The following CCDC127 variants were observed in gnomAD, a reference collection of about 807,000 sequenced individuals.
The protein encoded by CCDC127 is coiled-coil domain containing 127.
CCDC127 carries 2 observed loss-of-function variants against 4.1 expected under a neutral mutation model. The observed-to-expected ratio is 0.49, with a 90% CI of 0.20 to 1.53. The LOEUF (loss-of-function observed/expected upper bound fraction) is 1.53. Among genes scored for constraint, CCDC127 ranks in the 40% most tolerant of loss-of-function variants. CCDC127 has a pLI of 0.23. For synonymous variants in CCDC127, 98 were observed against 120.4 expected (o/e 0.81, Z 1.22); for missense variants, 271 against 322.9 (o/e 0.84, Z 1.23).
At position 202,670 on chromosome 5, in the gene CCDC127, C is replaced by T. The variant is rs1266304889; in HGVS notation, c.*2627G>A. 1.3e-5 allele frequency: 2 copies of T among 152,256 alleles called. No individual in the cohort carries two copies. Among genetic ancestry groups the T allele is most frequent in the Non-Finnish European group, 2.9e-5 (2 of 68,048 alleles). 9.4% of individuals were successfully genotyped at this position (152,256 alleles called of 1,614,324 possible). A position where few individuals can be genotyped will look rare whatever the true frequency, so the allele number is the denominator to read the frequency against. ...GCTTGAAGGCTCTGAACATATCTAT[C>T]TCACTATAGAAGGAAGCTAGGCTGA... On this transcript the variant is annotated 3_prime_UTR_variant, in exon 3 of 3. Transcript: ENST00000296824.
rs749722461 is a variant in CCDC127, at chr5:196,979, CA to C, written c.*8317del. On this transcript the variant is annotated 3_prime_UTR_variant, in exon 3 of 3. Transcript: ENST00000296824. ...TTTATTATTATTTTCATTATTTCAG[CA>C]AAAAGGAATGTAGTAGGAGAGCAGG... 1.0e-4 allele frequency: 15 copies of C among 150,434 alleles called. No individual in the cohort carries two copies. Among genetic ancestry groups the C allele is most frequent in the Non-Finnish European group, 2.2e-4 (15 of 67,708 alleles). The allele number at this position is 150,434 out of a possible 1,614,324, so 9.3% of individuals were successfully genotyped here. A position where few individuals can be genotyped will look rare whatever the true frequency, so the allele number is the denominator to read the frequency against.
chr5:205,525 C>T lies in CCDC127; in HGVS notation c.555G>A (p.Glu185=). 6.2e-7 allele frequency: 1 copy of T among 1,614,044 alleles called. No homozygotes were observed. Among genetic ancestry groups the T allele is most frequent in the Non-Finnish European group, 8.5e-7 (1 of 1,179,888 alleles). Residue 185 remains glutamate (E), a synonymous_variant, in exon 3 of 3, where the codon GAG becomes GAA. Coordinates refer to ENST00000296824, the MANE Select transcript of CCDC127 (RefSeq NM_145265.3). ...CTCGCACCAGTAAGCTCTTCTCTAT[C>T]TCCAGCCGCTTGCTGCGAGGAAGAA... ...SLFLPRSKRL[E]IEKSLLVRAS... is the part of the protein sequence containing the mutation.
rs1734150761 is a variant in CCDC127, at chr5:205,381, G to A, written c.699C>T (p.Leu233=). The part of the protein sequence containing the change: ...WNTNKRQNGR[L]MWLYLKYWEL... The stretch of plus-strand genomic sequence containing the variant: ...CCCAGTATTTGAGATAGAGCCACAT[G>A]AGTCTGCCATTCTGGCGTTTGTTGG... Residue 233 remains leucine (L), a synonymous_variant, in exon 3 of 3, where the codon CTC becomes CTT. Transcript: ENST00000296824. 2.5e-6 allele frequency: 4 copies of A among 1,614,114 alleles called. No homozygotes were observed. The highest frequency in any genetic ancestry group is 1.7e-5 in the Admixed American group (1 of 60,010).
rs1734006948 is a variant in CCDC127, at chr5:198,347, C to T, written c.*6950G>A. On this transcript the variant is annotated 3_prime_UTR_variant, in exon 3 of 3. Transcript: ENST00000296824. ...GGTGCTGGGCCAACATTTTTAATGA[C>T]TTACTTCTAACTCTAAAGCACAGAG... 6.6e-6 allele frequency: 1 copy of T among 152,260 alleles called. No homozygotes were observed. Among genetic ancestry groups the T allele is most frequent in the African/African-American group, 2.4e-5 (1 of 41,462 alleles). The allele number at this position is 152,260 out of a possible 1,614,324, so 9.4% of individuals were successfully genotyped here. A position where few individuals can be genotyped will look rare whatever the true frequency, so the allele number is the denominator to read the frequency against.
At position 205,760 on chromosome 5, in the gene CCDC127, A is replaced by G. The variant is rs1447951363; in HGVS notation, c.320T>C (p.Ile107Thr). 6.8e-6 allele frequency: 11 copies of G among 1,613,934 alleles called. No individual in the cohort carries two copies. The highest frequency in any genetic ancestry group is 6.7e-5 in the East Asian group (3 of 44,878). Residue 107 changes from isoleucine to threonine, a missense_variant, in exon 3 of 3, where the codon ATC becomes ACC. By Grantham distance (89) the Ile-to-Thr change is moderately conservative. This residue lies in a region of CCDC127 where 265 missense variants were observed against 270.9 expected (regional missense o/e 0.98). Transcript: ENST00000296824. ...NRTASYREAL[I>T]SQGRKLVEEK... ...TTCTACCAACTTGCGTCCCTGAGAG[A>G]TAAGGGCTTCTCGGTAACTAGCAGT...
chr5:207,622 G>A (rs954402788), intron 2 of CCDC127, among the ~76,000 whole-genome samples: 7 of 152,280 alleles, frequency 4.6e-5, no homozygotes, highest in South Asian at 4.1e-4. Flanking sequence ...GCCTGGGGAC[G>A]GGGCTTATGT....
At position 200,186 on chromosome 5, in the gene CCDC127, CAG is replaced by C. The variant is rs1734047988; in HGVS notation, c.*5109_*5110del. On this transcript the variant is annotated 3_prime_UTR_variant, in exon 3 of 3. Coordinates refer to ENST00000296824, the MANE Select transcript of CCDC127 (RefSeq NM_145265.3). Reference sequence around the variant, plus strand: ...CCCGACAGCAAGACCCTCAGCCTGTCAGGGGGTCTGCAGCAGATGAGAGACCT... The same window carrying C: ...CCCGACAGCAAGACCCTCAGCCTGTCGGGGTCTGCAGCAGATGAGAGACCT... 1.3e-5 allele frequency: 2 copies of C among 152,294 alleles called. No individual in the cohort carries two copies. Among genetic ancestry groups the C allele is most frequent in the Admixed American group, 1.3e-4 (2 of 15,280 alleles). The allele number at this position is 152,294 out of a possible 1,614,324, so 9.4% of individuals were successfully genotyped here.
At chr5:207,800 C>T (rs556622866) in intron 2 of CCDC127, among the ~76,000 whole-genome samples, 91 of 152,130 alleles carry the variant, frequency 6.0e-4, no homozygotes, top group African/African-American at 2.2e-3. Flanking sequence ...GGTGGGGCTG[C>T]GAGGGGTGGC....
chr5:206,466 G>A (rs573367313), intron 2 of CCDC127, among the ~76,000 whole-genome samples: 39 of 152,356 alleles, frequency 2.6e-4, no homozygotes, highest in African/African-American at 9.1e-4. Context: ...GGAATCTCAC[G>A]AAAACGGGAC....
rs920766425 is a variant in CCDC127, at chr5:203,279, A to T, written c.*2018T>A. 6.6e-6 allele frequency: 1 copy of T among 151,994 alleles called. No homozygotes were observed. The highest frequency in any genetic ancestry group is 1.5e-5 in the Non-Finnish European group (1 of 67,984). The allele number at this position is 151,994 out of a possible 1,614,324, so 9.4% of individuals were successfully genotyped here. A position where few individuals can be genotyped will look rare whatever the true frequency, so the allele number is the denominator to read the frequency against. Reference sequence around the variant, plus strand: ...ATAAAAGTGACTTTTTCTCAGATAAAGCGATGGTGGTAGAGCAGAGAGGCA... The same window carrying T: ...ATAAAAGTGACTTTTTCTCAGATAATGCGATGGTGGTAGAGCAGAGAGGCA... On this transcript the variant is annotated 3_prime_UTR_variant, in exon 3 of 3. Coordinates refer to ENST00000296824, the MANE Select transcript of CCDC127 (RefSeq NM_145265.3).
intron 2 of CCDC127, among the ~76,000 whole-genome samples, chr5:213,157 G>A (rs1238694513): frequency 1.1e-5 from 1 of 89,682 alleles, no homozygotes; most frequent in Non-Finnish European, 2.1e-5. Flanking sequence ...CGGGACAGCA[G>A]TGTGAGCACA....
At chr5:213,381 G>C (rs1397892479) in intron 2 of CCDC127, among the ~76,000 whole-genome samples, 7 of 94,780 alleles carry the variant, frequency 7.4e-5, no homozygotes, top group Non-Finnish European at 1.2e-4. Flanking sequence ...GCCATGACGA[G>C]ACAGCACCAC....
At chr5:215,389 G>C (rs1734361070) in intron 2 of CCDC127, 1 of 152,212 alleles carries the variant, frequency 6.6e-6, no homozygotes, top group South Asian at 2.1e-4. Flanking sequence ...GGCTATAAAA[G>C]CTGGAGATGA....
rs1488329367 is a variant in CCDC127 at position 197,466 on chromosome 5, T to G, written c.*7831A>C. ...CCCGGCTTTCAAGGGCAGAGGTCCC[T>G]GCGGCTTTCCGCAGTGCATTGTGCC... On this transcript the variant is annotated 3_prime_UTR_variant, in exon 3 of 3. Coordinates refer to ENST00000296824, the MANE Select transcript of CCDC127 (RefSeq NM_145265.3). 6.6e-6 allele frequency: 1 copy of G among 152,252 alleles called. No homozygotes were observed. The highest frequency in any genetic ancestry group is 2.1e-4 in the South Asian group (1 of 4,834). 9.4% of individuals were successfully genotyped at this position (152,252 alleles called of 1,614,324 possible).
rs1734142811 is a variant in CCDC127, at chr5:205,137, T to G, written c.*160A>C. 5 of 633,392 alleles carry G rather than the reference T, an allele frequency of 7.9e-6. No homozygotes were observed. The allele number at this position is 633,392 out of a possible 1,614,324, so 39.2% of individuals were successfully genotyped here. ...AGACCCTCTGTCTCTGAGGCTTCGG[T>G]GCACTTCTGCTCAGACGGTGGCGGG... On this transcript the variant is annotated 3_prime_UTR_variant, in exon 3 of 3. Coordinates refer to ENST00000296824, the MANE Select transcript of CCDC127 (RefSeq NM_145265.3).
intron 2 of CCDC127, among the ~76,000 whole-genome samples, chr5:208,215 C>T (rs906360595): frequency 6.6e-6 from 1 of 152,178 alleles, no homozygotes; most frequent in South Asian, 2.1e-4. Flanking sequence ...ATCTGTAAAA[C>T]AAGATGACTC....
At position 203,107 on chromosome 5, in the gene CCDC127, G is replaced by A. The variant is rs562640369; in HGVS notation, c.*2190C>T. On this transcript the variant is annotated 3_prime_UTR_variant, in exon 3 of 3. Transcript: ENST00000296824. ...ACAAAAATTAGCTGGGTGTGGTAGCGCACGCCTGTAATCCCAGCTACCCAG... is the reference window on the plus strand; with the variant it reads ...ACAAAAATTAGCTGGGTGTGGTAGCACACGCCTGTAATCCCAGCTACCCAG... 1.2e-3 allele frequency: 178 copies of A among 152,184 alleles called. No homozygotes were observed. Among genetic ancestry groups the A allele is most frequent in the Non-Finnish European group, 2.1e-3 (145 of 68,100 alleles). The allele number at this position is 152,184 out of a possible 1,614,324, so 9.4% of individuals were successfully genotyped here.
chr5:202,023 G>A lies in CCDC127; in HGVS notation c.*3274C>T, dbSNP rs1467041756. On this transcript the variant is annotated 3_prime_UTR_variant, in exon 3 of 3. Transcript: ENST00000296824. The stretch of plus-strand genomic sequence containing the variant: ...GAAAGCAGCAGGACAAATAATGCTT[G>A]ACTCTGATGTCGCTACAAATTCAGC... 1 of 152,178 alleles carries A rather than the reference G, an allele frequency of 6.6e-6. No homozygotes were observed. Among genetic ancestry groups the A allele is most frequent in the African/African-American group, 2.4e-5 (1 of 41,428 alleles). 9.4% of individuals were successfully genotyped at this position (152,178 alleles called of 1,614,324 possible).
chr5:202,056 C>A lies in CCDC127; in HGVS notation c.*3241G>T, dbSNP rs1213000994. 1 of 152,242 alleles carries A rather than the reference C, an allele frequency of 6.6e-6. No homozygotes were observed. The highest frequency in any genetic ancestry group is 6.5e-5 in the Admixed American group (1 of 15,288). 9.4% of individuals were successfully genotyped at this position (152,242 alleles called of 1,614,324 possible). ...TGTCGCTACAAATTCAGCACACACA[C>A]CAACCAGCACAATTACCCTTTTCTG... On this transcript the variant is annotated 3_prime_UTR_variant, in exon 3 of 3. Transcript: ENST00000296824.
Sources: allele counts gnomAD v4.1 joint callset (sites outside exome capture counted in the v4.1 genomes callset), GRCh38; gene constraint gnomAD v4.1.1; regional missense constraint gnomAD v4.1.1; transcripts MANE v1.5; gene names NCBI Gene and HGNC (gene_info 2026-07-23, HGNC 2026-07-21).